The following STXBP2 variants were observed in gnomAD, a reference collection of about 807,000 sequenced individuals.
The protein encoded by STXBP2 is syntaxin binding protein 2, also known as syntaxin-binding protein 2.
Under a neutral mutation model 72.2 loss-of-function variants are expected in STXBP2, and 47 were observed. That is an observed-to-expected ratio of 0.65 (90% CI 0.51 to 0.83). STXBP2 has a LOEUF of 0.83. Among genes scored for constraint, STXBP2 ranks in the 40% least tolerant of loss-of-function variants. STXBP2 has a pLI of 0.00. For missense variants in STXBP2, 702 were observed against 807.6 expected, an observed-to-expected ratio of 0.87 and a Z score of 1.58; for synonymous variants, 367 against 338.7, an observed-to-expected ratio of 1.08 and a Z score of -0.92.
chr19:7,645,869 T>C, intron 15 of STXBP2: 1 of 366,824 alleles, frequency 2.7e-6, no homozygotes. Context: ...CCTTTCTCTC[T>C]GTTCTCTGTC....
At chr19:7,631,961 G>A (rs1303879339), upstream of STXBP2, 10 of 784,816 alleles carry the variant, frequency 1.3e-5, no homozygotes, top group Non-Finnish European at 1.3e-5. Context: ...CATTTAGGGT[G>A]GCATTTGAGT....
At chr19:7,632,644 C>G, upstream of STXBP2, 1 of 1,565,400 alleles carries the variant, frequency 6.4e-7, no homozygotes, top group South Asian at 1.1e-5. The surrounding 1 kb of genome is among the most constrained non-coding windows in gnomAD (Gnocchi z 5.2). Flanking sequence ...CCCAGGCCCT[C>G]CAGATGACCA....
the STXBP2 span, chr19:7,630,761 T>C: frequency 2.0e-6 from 3 of 1,536,750 alleles, no homozygotes; most frequent in Non-Finnish European, 2.6e-6. Flanking sequence ...AAGCCGACCC[T>C]GCCCTGATGT....
the STXBP2 span, chr19:7,630,166 C>G: frequency 2.2e-6 from 1 of 464,000 alleles, no homozygotes; most frequent in Non-Finnish European, 3.8e-6. Flanking sequence ...AGCTCTCGGG[C>G]TCGTGGTGGG....
chr19:7,637,097 A>G (rs907655070), upstream of STXBP2: 20 of 1,234,884 alleles, frequency 1.6e-5, no homozygotes, highest in Non-Finnish European at 1.9e-5. Flanking sequence ...GCGCGGGGCC[A>G]CGCCCCCACC....
upstream of STXBP2, chr19:7,631,962 G>A: frequency 1.3e-6 from 1 of 763,214 alleles, no homozygotes; most frequent in Non-Finnish European, 1.9e-6. Flanking sequence ...ATTTAGGGTG[G>A]CATTTGAGTG....
At chr19:7,639,653 A>C in intron 3 of STXBP2, 78 bp from the exon 4 acceptor site, 5 of 1,382,208 alleles carry the variant, frequency 3.6e-6, no homozygotes, top group Non-Finnish European at 4.0e-6. Context: ...CCAAGCCTCC[A>C]ACCCCCCACA....
intron 15 of STXBP2, 168 bp from the exon 16 acceptor site, chr19:7,646,081 G>GTT: frequency 1.6e-6 from 1 of 628,596 alleles, no homozygotes; most frequent in Non-Finnish European, 2.9e-6. Flanking sequence ...CTGGCTCACT[G>GTT]TTTCTCTCTC....
rs2146215800 is a variant in STXBP2 at position 7,641,737 on chromosome 19, C to T, written c.462C>T (p.Tyr154=). The stretch of plus-strand genomic sequence containing the variant: ...CCCTCGATGCTCCCCACAGCACCTA[C>T]AACCTCTACTGCCCCTTCCGGGCAG... ...VFSLDAPHST[Y]NLYCPFRAEE... The change falls in exon 7 of 19, where the codon TAC becomes TAT. Residue 154 remains tyrosine, a synonymous_variant. Transcript: ENST00000221283. 1.3e-6 allele frequency: 2 copies of T among 1,553,822 alleles called. No individual in the cohort carries two copies. The highest frequency in any genetic ancestry group is 2.4e-5 in the East Asian group (1 of 41,344).
At position 7,646,394 on chromosome 19, in the gene STXBP2, G is replaced by A. The variant is rs1040285737; in HGVS notation, c.1452+50G>A. The A allele has an allele frequency of 1.8e-5, 27 of 1,504,944 alleles. 1 individual carries two copies. The highest frequency in any genetic ancestry group is 1.7e-4 in the Middle Eastern group (1 of 5,932). The allele number at this position is 1,504,944 out of a possible 1,614,324, so 93.2% of individuals were successfully genotyped here. A position where few individuals can be genotyped will look rare whatever the true frequency, so the allele number is the denominator to read the frequency against. ...GGGCCAGCCCTCCGCATCGGCTGGC[G>A]GCTCAGCCTCCCTCCTGCTGAGGTG... On this transcript the variant is annotated intron_variant, in intron 16 of 18. Coordinates refer to ENST00000221283, the MANE Select transcript of STXBP2 (RefSeq NM_006949.4).
At chr19:7,646,171 G>A in intron 15 of STXBP2, 78 bp from the exon 16 acceptor site, 3 of 1,267,886 alleles carry the variant, frequency 2.4e-6, no homozygotes, top group Non-Finnish European at 2.2e-6. Context: ...CACCCTACCA[G>A]CCACACCAGG....
Position 7,641,194 on chromosome 19 carries a change from T to A in STXBP2, c.429+191T>A, listed in dbSNP as rs775625837. ...AGCCTGGGTACAGAGCAAGACCCCG[T>A]CTCTTAAAAAAAGAAAAAGAAAGAA... is the stretch of plus-strand genomic sequence containing the variant. On this transcript the variant is annotated intron_variant, in intron 6 of 18. Coordinates refer to ENST00000221283, the MANE Select transcript of STXBP2 (RefSeq NM_006949.4). The A allele has an allele frequency of 7.4e-6, 5 of 676,450 alleles. No individual in the cohort carries two copies. The South Asian group carries it at 7.9e-5, about 11-fold the overall frequency. 41.9% of individuals were successfully genotyped at this position (676,450 alleles called of 1,614,324 possible).
At chr19:7,629,851 G>A in the STXBP2 span, 1 of 1,535,384 alleles carries the variant, frequency 6.5e-7, no homozygotes, top group Non-Finnish European at 8.7e-7. Context: ...TGAAGCTGGA[G>A]ATATTTCGGG....
Position 7,642,590 on chromosome 19 carries a change from AG to A in STXBP2, c.902+55del. On this transcript the variant is annotated intron_variant, in intron 10 of 18. Transcript: ENST00000221283. This position sits in a 1 kb window ranked among gnomAD's most constrained non-coding sequence, Gnocchi z 6.0. ...CCCCACCGCCCACTGTGGGCCTGGT[AG>A]CGGCCTTGGGATCCCTGGCTGCTGC... is the stretch of plus-strand genomic sequence containing the variant. The A allele has an allele frequency of 6.3e-7, 1 of 1,599,316 alleles. No homozygotes were observed. The highest frequency in any genetic ancestry group is 8.6e-7 in the Non-Finnish European group (1 of 1,167,112).
chr19:7,638,756 A>G lies in STXBP2; in HGVS notation c.68A>G (p.Lys23Arg), dbSNP rs1401766158. Residue 23 changes from lysine to arginine, a missense_variant, in exon 2 of 19, where the codon AAG (lysine) becomes AGG (arginine). Transcript: ENST00000221283. ...CTGAGCGGAGTTATTCGGAGTGTCA[A>G]GAAGGATGGGGAGTGGAAGGTAGGG... ...KILSGVIRSV[K>R]KDGEWKVLIM... 2.5e-6 allele frequency: 4 copies of G among 1,614,018 alleles called. No individual in the cohort carries two copies. Among genetic ancestry groups the G allele is most frequent in the Admixed American group, 3.3e-5 (2 of 59,998 alleles).
chr19:7,631,581 C>T, the STXBP2 span: 1 of 1,521,444 alleles, frequency 6.6e-7, no homozygotes, highest in Admixed American at 2.1e-5. Context: ...AGTCCTAGCC[C>T]CTCCCCTGAT....
At chr19:7,630,970 A>AG in the STXBP2 span, 3 of 1,255,672 alleles carry the variant, frequency 2.4e-6, no homozygotes, top group Admixed American at 2.0e-5. Flanking sequence ...AGGGCATGGG[A>AG]GGCTGAGGTG....
intron 13 of STXBP2, 135 bp from the exon 14 acceptor site, chr19:7,644,479 G>A: frequency 8.0e-7 from 1 of 1,249,406 alleles, no homozygotes; most frequent in South Asian, 1.4e-5. Flanking sequence ...GTGGGACCTT[G>A]AGAGACCTGG....
At chr19:7,633,796 A>T, upstream of STXBP2, 1 of 311,194 alleles carries the variant, frequency 3.2e-6, no homozygotes, top group Non-Finnish European at 6.0e-6. Context: ...GGAGGCCAAC[A>T]GTGTAGGGTG....
Sources: gnomAD v4.1 joint callset for allele counts on GRCh38, gnomAD v4.1.1 for gene constraint, Gnocchi (gnomAD v3.1) non-coding constraint, MANE v1.5 for transcripts, NCBI Gene and HGNC (gene_info 2026-07-23, HGNC 2026-07-21) for gene names.